MYT1L: variants seen among roughly 807,000 people sequenced by gnomAD.
MYT1L encodes the protein myelin transcription factor 1 like.
MYT1L carries 12 observed loss-of-function variants against 126.7 expected under a neutral mutation model. That is an observed-to-expected ratio of 0.09 (90% CI 0.06 to 0.15). The LOEUF (loss-of-function observed/expected upper bound fraction) is 0.15. Ranked by LOEUF, MYT1L falls within the 10% of genes least tolerant of loss-of-function variation. The pLI, the probability that MYT1L is intolerant of heterozygous loss-of-function variation, is 1.00. For synonymous variants in MYT1L, 541 were observed against 604.2 expected (o/e 0.90, Z 1.53); for missense variants, 979 against 1,585.2 (o/e 0.62, Z 6.49).
At chr2:2,156,658 C>T (rs766829198) in intron 3 of MYT1L, among the ~76,000 whole-genome samples, 22 of 152,158 alleles carry the variant, frequency 1.4e-4, no homozygotes, top group East Asian at 3.9e-4. Flanking sequence ...TTTATATCTA[C>T]GCTTACGTTG....
Position 2,138,025 on chromosome 2 carries a change from C to A in MYT1L, c.-304+34847G>T, listed in dbSNP as rs561250870. ...ACAAACAACCCCATCAAAAAGTGGGCAAAGGACATGAACAGACACTTCGCA... is the reference window on the plus strand; with the variant it reads ...ACAAACAACCCCATCAAAAAGTGGGAAAAGGACATGAACAGACACTTCGCA... On this transcript the variant is annotated intron_variant, in intron 3 of 24. Transcript: ENST00000647738. Among the ~76,000 whole-genome samples, 920 of 152,248 alleles carry A rather than the reference C, an allele frequency of 6.0e-3. 11 individuals are homozygous for A. The highest frequency in any genetic ancestry group is 0.021 in the African/African-American group (885 of 41,548).
At position 2,313,131 on chromosome 2, in the gene MYT1L, C is replaced by T. The variant is rs549125432; in HGVS notation, c.-521+17836G>A. On this transcript the variant is annotated intron_variant, in intron 1 of 24. Coordinates refer to ENST00000647738, the MANE Select transcript of MYT1L (RefSeq NM_001303052.2). ...AAGGATTCATATCGTGTATTCACTA[C>T]CTTCAATACATCAATTAAGGCAGGG... 5.3e-5 allele frequency among the ~76,000 whole-genome samples: 8 copies of T among 152,258 alleles called. No individual in the cohort carries two copies. In the East Asian group the frequency reaches 1.5e-3, roughly 29 times the overall value.
chr2:2,264,131 A>C (rs901478677), intron 2 of MYT1L, among the ~76,000 whole-genome samples: 1 of 152,162 alleles, frequency 6.6e-6, no homozygotes, highest in Non-Finnish European at 1.5e-5. Flanking sequence ...CTGAAGCCCA[A>C]GTTCCTTCCA....
chr2:2,162,048 C>T (rs2088044485), intron 3 of MYT1L, among the ~76,000 whole-genome samples: 1 of 152,134 alleles, frequency 6.6e-6, no homozygotes, highest in Non-Finnish European at 1.5e-5. Flanking sequence ...ATTTCACAGA[C>T]CAGTGTTTCC....
chr2:1,971,709 C>A (rs1405611716), intron 8 of MYT1L, among the ~76,000 whole-genome samples: 1 of 151,988 alleles, frequency 6.6e-6, no homozygotes, highest in Non-Finnish European at 1.5e-5. Flanking sequence ...CCAGCCTGGG[C>A]GACAGAGCGA....
At chr2:1,816,695 C>G (rs201377404) in intron 21 of MYT1L, 1 of 152,770 alleles carries the variant, frequency 6.5e-6, no homozygotes, top group South Asian at 2.1e-4. Context: ...AGGGAAACCC[C>G]GTCACCCATG....
intron 2 of MYT1L, among the ~76,000 whole-genome samples, chr2:2,281,031 T>C (rs568947631): frequency 6.0e-4 from 92 of 152,276 alleles, no homozygotes; most frequent in Non-Finnish European, 1.1e-3. Context: ...CCCACCCAAA[T>C]CTCATCTTGA....
At chr2:1,831,506 A>T (rs1451151588) in intron 21 of MYT1L, among the ~76,000 whole-genome samples, 2 of 152,130 alleles carry the variant, frequency 1.3e-5, no homozygotes, top group Non-Finnish European at 2.9e-5. Flanking sequence ...TAGAACCATT[A>T]GTCATGTCCT....
intron 13 of MYT1L, among the ~76,000 whole-genome samples, chr2:1,903,923 TGTC>T (rs1462446178): frequency 1.3e-5 from 2 of 151,748 alleles, no homozygotes; most frequent in African/African-American, 2.4e-5. Flanking sequence ...ATAGACACCA[TGTC>T]GTGTGTGTGT....
At chr2:2,206,090 C>A (rs1463956055) in intron 2 of MYT1L, among the ~76,000 whole-genome samples, 1 of 151,848 alleles carries the variant, frequency 6.6e-6, no homozygotes, top group East Asian at 1.9e-4. Context: ...TCAAGCAATT[C>A]TCCTGCCTCA....
At chr2:1,924,690 T>C (rs1304594680) in intron 9 of MYT1L, among the ~76,000 whole-genome samples, 10 of 152,230 alleles carry the variant, frequency 6.6e-5, no homozygotes, top group Admixed American at 6.5e-4. Context: ...AATTTACCTT[T>C]TATTAGACAT....
intron 3 of MYT1L, among the ~76,000 whole-genome samples, chr2:2,167,907 T>C (rs971550698): frequency 7.9e-5 from 12 of 152,226 alleles, no homozygotes; most frequent in Non-Finnish European, 1.5e-4. Flanking sequence ...ATCTGGCATG[T>C]AGTAGTTGAC....
At chr2:2,278,656 A>C (rs538446023) in intron 2 of MYT1L, among the ~76,000 whole-genome samples, 107 of 152,234 alleles carry the variant, frequency 7.0e-4, no homozygotes, top group Non-Finnish European at 1.3e-3. Context: ...GGACACTATT[A>C]ACATACTTAA....
intron 4 of MYT1L, among the ~76,000 whole-genome samples, chr2:2,050,033 T>A (rs2068651216): frequency 6.6e-6 from 1 of 152,088 alleles, no homozygotes; most frequent in Non-Finnish European, 1.5e-5. Context: ...TGAGACATGG[T>A]GAGTGGCACT....
intron 21 of MYT1L, among the ~76,000 whole-genome samples, chr2:1,833,865 T>C (rs1476455906): frequency 6.6e-6 from 1 of 152,142 alleles, no homozygotes; most frequent in African/African-American, 2.4e-5. Flanking sequence ...TGCCTAACCC[T>C]CAACGCAGAA....
intron 2 of MYT1L, among the ~76,000 whole-genome samples, chr2:2,214,414 A>G (rs944016585): frequency 3.3e-5 from 5 of 152,092 alleles, no homozygotes; most frequent in Admixed American, 3.3e-4. Flanking sequence ...AATTACATAC[A>G]GCTCAAAATA....
chr2:2,068,769 G>GTTTGTTTT (rs2074210117), intron 3 of MYT1L, among the ~76,000 whole-genome samples: 1 of 26,182 alleles, frequency 3.8e-5, no homozygotes, highest in African/African-American at 1.1e-4. Flanking sequence ...TGTTCTTCTT[G>GTTTGTTTT]TTTTTTTTTT....
chr2:1,851,107 G>A (rs968960686), intron 19 of MYT1L, among the ~76,000 whole-genome samples: 1 of 152,078 alleles, frequency 6.6e-6, no homozygotes. Flanking sequence ...TAGAATTTTT[G>A]TTATCTCACA....
chr2:1,839,455 T>G, intron 20 of MYT1L, 85 bp from the exon 21 acceptor site: 1 of 1,266,886 alleles, frequency 7.9e-7, no homozygotes, highest in Non-Finnish European at 1.1e-6. Context: ...TAACCCGGCA[T>G]GAAGAAGAAA....
Sources: gnomAD v4.1 joint callset for allele counts (sites outside exome capture counted in the v4.1 genomes callset) on GRCh38, gnomAD v4.1.1 for gene constraint, MANE v1.5 for transcripts, NCBI Gene and HGNC (gene_info 2026-07-23, HGNC 2026-07-21) for gene names.